The following SNRNP35 variants were observed in gnomAD, a reference collection of about 807,000 sequenced individuals.
The protein encoded by SNRNP35 is small nuclear ribonucleoprotein U11/U12 subunit 35.
In SNRNP35, 16 loss-of-function variants were observed where a neutral mutation model predicts 24.3. The ratio of observed to expected loss-of-function variants is 0.66; its 90% confidence interval spans 0.45 to 1.00. SNRNP35 has a LOEUF of 1.00. Ranked by LOEUF, SNRNP35 falls within the 50% of genes least tolerant of loss-of-function variation. The probability of loss-of-function intolerance (pLI) is 0.00; values close to 1 mark genes in which losing one functional copy is unlikely to be tolerated. For synonymous variants in SNRNP35, 106 were observed against 124.8 expected, an observed-to-expected ratio of 0.85 and a Z score of 1.00; for missense variants, 292 against 327.2, an observed-to-expected ratio of 0.89 and a Z score of 0.83.
intron 1 of SNRNP35, among the ~76,000 whole-genome samples, chr12:123,462,780 T>G (rs1320192798): frequency 6.6e-6 from 1 of 151,950 alleles, no homozygotes; most frequent in Non-Finnish European, 1.5e-5. Context: ...TGTGAGATCG[T>G]GCCCGGCCTA....
At chr12:123,459,058 C>G (rs1054393751) in intron 1 of SNRNP35, 5 of 152,096 alleles carry the variant, frequency 3.3e-5, no homozygotes, top group African/African-American at 4.8e-5. Flanking sequence ...GCCTCAGCCT[C>G]TCAAGTATCT....
At chr12:123,472,742 T>G in exon 2 of SNRNP35, 1 of 1,551,698 alleles carries the variant, frequency 6.4e-7, no homozygotes, top group Non-Finnish European at 8.7e-7. Context: ...CAAGTCACGT[T>G]TTTTGCAATG....
intron 1 of SNRNP35, among the ~76,000 whole-genome samples, chr12:123,462,930 A>T (rs2139284930): frequency 6.6e-6 from 1 of 152,332 alleles, no homozygotes; most frequent in African/African-American, 2.4e-5. Flanking sequence ...CTGAGGGAGA[A>T]ATAAAGCAGA....
intron 1 of SNRNP35, chr12:123,459,784 C>T (rs1408769353): frequency 4.0e-6 from 6 of 1,503,490 alleles, no homozygotes; most frequent in Non-Finnish European, 5.4e-6. Context: ...GAGACTTTGT[C>T]TCGAGTAAAA....
chr12:123,459,614 C>A (rs1045667982), intron 1 of SNRNP35: 2 of 419,314 alleles, frequency 4.8e-6, no homozygotes, highest in Admixed American at 7.7e-5. Context: ...ATGGTGAAAT[C>A]CTGTCTGTAC....
At chr12:123,460,264 T>C (rs1280809942) in intron 1 of SNRNP35, among the ~76,000 whole-genome samples, 4 of 152,252 alleles carry the variant, frequency 2.6e-5, no homozygotes, top group African/African-American at 9.6e-5. Flanking sequence ...CAAAACCTTA[T>C]ATTTTATGAA....
In SNRNP35 at chr12:123,458,230, G is replaced by T; in HGVS notation, c.-4+14G>T. 3 of 985,476 alleles carry T rather than the reference G, an allele frequency of 3.0e-6. No homozygotes were observed. The highest frequency in any genetic ancestry group is 3.6e-6 in the Non-Finnish European group (3 of 829,966). The allele number at this position is 985,476 out of a possible 1,614,324, so 61.0% of individuals were successfully genotyped here. A position where few individuals can be genotyped will look rare whatever the true frequency, so the allele number is the denominator to read the frequency against. On this transcript the variant is annotated intron_variant, in intron 1 of 1. Transcript: ENST00000526639. Reference sequence around the variant, plus strand: ...AGCTTTGCAGAGGTGAGTGGAAGCGGCTTGGAAGGAGCGGGCCCCACGCCG... The same window carrying T: ...AGCTTTGCAGAGGTGAGTGGAAGCGTCTTGGAAGGAGCGGGCCCCACGCCG...
rs534065343 is a variant in SNRNP35 at position 123,465,219 on chromosome 12, T to C, written c.-3-319T>C. Among the ~76,000 whole-genome samples the C allele has an allele frequency of 2.6e-4, 40 of 152,344 alleles. 1 individual carries two copies. The highest frequency in any genetic ancestry group is 4.7e-4 in the Non-Finnish European group (32 of 68,034). The stretch of plus-strand genomic sequence containing the variant: ...TTTGATCCACGTTGCCACATTGTAA[T>C]GTGTTCATAGTTGGTAAGTGCCCTT... On this transcript the variant is annotated intron_variant, in intron 1 of 1. Coordinates refer to ENST00000526639, the MANE Select transcript of SNRNP35 (RefSeq NM_022717.4). This position sits in a 1 kb window ranked among gnomAD's most constrained non-coding sequence, Gnocchi z 4.2.
At chr12:123,469,002 C>T (rs1270465588), downstream of SNRNP35, among the ~76,000 whole-genome samples, 2 of 152,038 alleles carry the variant, frequency 1.3e-5, no homozygotes, top group African/African-American at 2.4e-5. Context: ...TATGGTAGAC[C>T]AGGGCATTGT....
exon 2 of SNRNP35, chr12:123,472,643 G>T (rs2139299346): frequency 6.3e-7 from 1 of 1,597,960 alleles, no homozygotes; most frequent in East Asian, 2.3e-5. Flanking sequence ...TTCTCTGTGT[G>T]TTGGCCAGGC....
intron 1 of SNRNP35, among the ~76,000 whole-genome samples, chr12:123,460,948 C>T (rs1039405101): frequency 1.2e-4 from 17 of 145,908 alleles, no homozygotes; most frequent in Middle Eastern, 7.3e-3. Flanking sequence ...TGAGCTACTG[C>T]GCCTGGCCTT....
chr12:123,461,443 C>T (rs1002321773), intron 1 of SNRNP35, among the ~76,000 whole-genome samples: 1 of 151,682 alleles, frequency 6.6e-6, no homozygotes, highest in African/African-American at 2.4e-5. Flanking sequence ...CTTTTTTTCA[C>T]GTGGAGAAAT....
At chr12:123,464,159 C>T (rs1346785672) in intron 1 of SNRNP35, among the ~76,000 whole-genome samples, 5 of 151,524 alleles carry the variant, frequency 3.3e-5, no homozygotes, top group African/African-American at 1.2e-4. Flanking sequence ...TCTCGAACTC[C>T]TGACCTCAGG....
chr12:123,472,541 C>G, exon 2 of SNRNP35: 6 of 1,551,270 alleles, frequency 3.9e-6, no homozygotes, highest in Non-Finnish European at 5.2e-6. Context: ...GCCAAGGTCA[C>G]AGATGCTGCA....
At chr12:123,463,517 A>G (rs929209929) in intron 1 of SNRNP35, among the ~76,000 whole-genome samples, 1 of 151,506 alleles carries the variant, frequency 6.6e-6, no homozygotes, top group African/African-American at 2.4e-5. Flanking sequence ...AGCTGCGACT[A>G]CAGGCGTGTG....
Position 123,465,850 on chromosome 12 carries a change from G to A in SNRNP35, c.310G>A (p.Ala104Thr). 2 of 1,613,962 alleles carry A rather than the reference G, an allele frequency of 1.2e-6. No individual in the cohort carries two copies. Among genetic ancestry groups the A allele is most frequent in the Non-Finnish European group, 1.7e-6 (2 of 1,180,018 alleles). ...YAFIEYKEER[A>T]VIKAYRDADG... The stretch of plus-strand genomic sequence containing the variant: ...CTTCATCGAATACAAGGAGGAGCGT[G>A]CCGTGATCAAAGCTTACCGAGATGC... The change falls in exon 2 of 2, where the codon GCC becomes ACC. Residue 104 changes from alanine (A) to threonine (T), a missense_variant. Coordinates refer to ENST00000526639, the MANE Select transcript of SNRNP35 (RefSeq NM_022717.4). The surrounding 1 kb of genome is among the most constrained non-coding windows in gnomAD (Gnocchi z 4.2).
At chr12:123,471,770 AAGGAAAAAAAGATGTC>A (rs1374060696), downstream of SNRNP35, 1 of 152,650 alleles carries the variant, frequency 6.6e-6, no homozygotes, top group Non-Finnish European at 1.5e-5. Context: ...TGAATCCTAA[AAGGAAAAAAAGATGTC>A]AGGAAAAAAA....
downstream of SNRNP35, among the ~76,000 whole-genome samples, chr12:123,469,485 G>T (rs1881093449): frequency 6.6e-6 from 1 of 150,898 alleles, no homozygotes; most frequent in Non-Finnish European, 1.5e-5. Flanking sequence ...CTCATATGGA[G>T]TTATTGCTAT....
At position 123,459,963 on chromosome 12, in the gene SNRNP35, A is replaced by G. The variant is rs558891693; in HGVS notation, c.-4+1747A>G. On this transcript the variant is annotated intron_variant, in intron 1 of 1. Transcript: ENST00000526639. ...CAAAATCCATGCTTATCCGTTTGTA[A>G]TTCTCCTCCATTTTAATTTGAAGAA... 3.6e-5 allele frequency: 37 copies of G among 1,029,506 alleles called. No homozygotes were observed. The Middle Eastern group carries it at 8.0e-4, about 22-fold the overall frequency. The allele number at this position is 1,029,506 out of a possible 1,614,324, so 63.8% of individuals were successfully genotyped here.
Sources: allele counts gnomAD v4.1 joint callset (sites outside exome capture counted in the v4.1 genomes callset), GRCh38; gene constraint gnomAD v4.1.1; non-coding constraint Gnocchi (gnomAD v3.1); transcripts MANE v1.5; gene names NCBI Gene and HGNC (gene_info 2026-07-23, HGNC 2026-07-21).